The following EYS variants were observed in gnomAD, a reference collection of about 807,000 sequenced individuals.
The protein encoded by EYS is protein eyes shut homolog.
In EYS, 250 loss-of-function variants were observed where a neutral mutation model predicts 282.1. That is an observed-to-expected ratio of 0.89 (90% confidence interval 0.80 to 0.98). The LOEUF (loss-of-function observed/expected upper bound fraction) is 0.98. EYS is among the 50% of genes least tolerant of loss of function. The pLI, the probability that EYS is intolerant of heterozygous loss-of-function variation, is 0.00. For synonymous variants in EYS, 1,355 were observed against 1,282.9 expected (o/e 1.06, Z -1.20); for missense variants, 4,016 against 3,709.0 (o/e 1.08, Z -2.15).
intron 13 of EYS, among the ~76,000 whole-genome samples, chr6:65,040,174 A>C (rs1248839144): frequency 6.6e-6 from 1 of 151,776 alleles, no homozygotes; most frequent in Non-Finnish European, 1.5e-5. Flanking sequence ...TTGTGAGGCT[A>C]CGCCAAAAAA....
intron 22 of EYS, among the ~76,000 whole-genome samples, chr6:64,730,323 A>T (rs1437029869): frequency 6.6e-6 from 1 of 152,206 alleles, no homozygotes; most frequent in Non-Finnish European, 1.5e-5. Context: ...ATAAGTTCTA[A>T]AGACATAAGG....
chr6:65,217,682 C>T (rs1340517539), intron 12 of EYS, among the ~76,000 whole-genome samples: 3 of 151,824 alleles, frequency 2.0e-5, no homozygotes, highest in Non-Finnish European at 4.4e-5. Context: ...ATATGAAAAG[C>T]CTTTTAGTCT....
chr6:64,592,102 T>C (rs914153137), intron 25 of EYS, 113 bp from the exon 26 acceptor site: 2 of 611,018 alleles, frequency 3.3e-6, no homozygotes, highest in East Asian at 2.9e-5. Context: ...CCATTATATG[T>C]AGACAAATAT....
intron 31 of EYS, among the ~76,000 whole-genome samples, chr6:64,113,329 C>T (rs1006660429): frequency 4.6e-5 from 7 of 152,102 alleles, no homozygotes; most frequent in Non-Finnish European, 7.4e-5. Context: ...GCGTTTGAAT[C>T]TCAGATCTGT....
intron 35 of EYS, among the ~76,000 whole-genome samples, chr6:63,928,523 ACTGTGTGT>A (rs947245382): frequency 3.5e-3 from 133 of 38,134 alleles, no homozygotes; most frequent in African/African-American, 0.013. Flanking sequence ...TCACCTTTTG[ACTGTGTGT>A]GTGTGTGTGT....
chr6:64,579,065 GTTC>G lies in EYS; in HGVS notation c.5644+11155_5644+11157del, dbSNP rs1437369117. Among the ~76,000 whole-genome samples the G allele has an allele frequency of 4.6e-5, 7 of 152,074 alleles. No individual in the cohort carries two copies. The East Asian group carries it at 1.2e-3, about 25-fold the overall frequency. ...ATTTAAAAAGTCTCTGGAGAAGCAA[GTTC>G]TTCTCCTCATTCGCAGAATTAGGTA... On this transcript the variant is annotated intron_variant, in intron 26 of 42. Transcript: ENST00000503581.
intron 14 of EYS, among the ~76,000 whole-genome samples, chr6:64,976,718 G>C (rs765097289): frequency 6.6e-6 from 1 of 151,840 alleles, no homozygotes; most frequent in Non-Finnish European, 1.5e-5. Flanking sequence ...TTATCAAGTA[G>C]TGTTTATTAT....
At chr6:64,512,500 G>T (rs1213029390) in intron 26 of EYS, among the ~76,000 whole-genome samples, 1 of 151,936 alleles carries the variant, frequency 6.6e-6, no homozygotes, top group African/African-American at 2.4e-5. Context: ...AGGGGGAGGG[G>T]GCCATCTATA....
intron 19 of EYS, among the ~76,000 whole-genome samples, chr6:64,848,663 T>G (rs1029615138): frequency 6.6e-6 from 1 of 152,108 alleles, no homozygotes; most frequent in Admixed American, 6.6e-5. Flanking sequence ...TTAGTTGTAC[T>G]GAACAAGCGA....
At chr6:65,191,198 C>A (rs1765633408) in intron 12 of EYS, among the ~76,000 whole-genome samples, 1 of 151,746 alleles carries the variant, frequency 6.6e-6, no homozygotes. Flanking sequence ...CCTACAAAGT[C>A]AGCCTTACTT....
intron 24 of EYS, among the ~76,000 whole-genome samples, chr6:64,613,202 A>T (rs1306578671): frequency 6.6e-6 from 1 of 152,144 alleles, no homozygotes; most frequent in Non-Finnish European, 1.5e-5. Flanking sequence ...CAAATTAATG[A>T]CTTTTGAACA....
intron 5 of EYS, among the ~76,000 whole-genome samples, chr6:65,412,069 C>A (rs1767040733): frequency 1.3e-5 from 2 of 151,628 alleles, no homozygotes; most frequent in Admixed American, 1.3e-4. Flanking sequence ...AGATTAGTAC[C>A]CTTATAATAA....
intron 31 of EYS, among the ~76,000 whole-genome samples, chr6:64,228,737 C>A (rs1766326670): frequency 6.6e-6 from 1 of 152,012 alleles, no homozygotes; most frequent in Non-Finnish European, 1.5e-5. Context: ...GGTCACTTTC[C>A]TATATTCTGC....
intron 28 of EYS, among the ~76,000 whole-genome samples, chr6:64,430,197 G>A (rs995580276): frequency 2.0e-5 from 3 of 152,056 alleles, no homozygotes; most frequent in African/African-American, 7.2e-5. Flanking sequence ...TGTTCCAATT[G>A]TTACTAAAAT....
chr6:64,660,850 C>T (rs1029337432), intron 22 of EYS, among the ~76,000 whole-genome samples: 2 of 152,294 alleles, frequency 1.3e-5, no homozygotes, highest in South Asian at 2.1e-4. Context: ...CCCCATCAAG[C>T]TACCAATTAC....
chr6:64,251,782 T>C (rs1297126223), intron 30 of EYS, among the ~76,000 whole-genome samples: 1 of 152,090 alleles, frequency 6.6e-6, no homozygotes, highest in Admixed American at 6.6e-5. Flanking sequence ...CACACACCAT[T>C]AAGAAGCTCT....
intron 12 of EYS, among the ~76,000 whole-genome samples, chr6:65,095,114 A>G (rs996750590): frequency 2.0e-5 from 3 of 151,362 alleles, no homozygotes; most frequent in East Asian, 1.9e-4. Context: ...CTAGAAACAT[A>G]CAACCTACTA....
intron 26 of EYS, among the ~76,000 whole-genome samples, chr6:64,556,381 G>T (rs6940539): frequency 1.3e-5 from 2 of 151,960 alleles, no homozygotes; most frequent in Admixed American, 6.6e-5. Context: ...TAGACACAGA[G>T]GGTCTGTGGT....
Position 63,989,614 on chromosome 6 carries a change from T to C in EYS, c.6835-5011A>G, listed in dbSNP as rs151019266. Among the ~76,000 whole-genome samples, 11 of 150,714 alleles carry C rather than the reference T, an allele frequency of 7.3e-5. No individual in the cohort carries two copies. In the East Asian group the frequency reaches 2.2e-3, roughly 30 times the overall value. On this transcript the variant is annotated intron_variant, in intron 34 of 42. Coordinates refer to ENST00000503581, the MANE Select transcript of EYS (RefSeq NM_001142800.2). Reference sequence around the variant, plus strand: ...ATTATCTTTGGATTCTTGGAGTCCATAGAAGTGCCTTGAAAATAGAAAGTT... The same window carrying C: ...ATTATCTTTGGATTCTTGGAGTCCACAGAAGTGCCTTGAAAATAGAAAGTT...
Sources: allele counts gnomAD v4.1 joint callset (sites outside exome capture counted in the v4.1 genomes callset), GRCh38; gene constraint gnomAD v4.1.1; transcripts MANE v1.5; gene names NCBI Gene and HGNC (gene_info 2026-07-23, HGNC 2026-07-21).